Variants in NDST4 observed in about 807,000 individuals in gnomAD.
The protein encoded by NDST4 is N-heparan sulfate sulfotransferase 4.
A neutral mutation model predicts 100.8 loss-of-function variants in NDST4; 63 were observed. The observed-to-expected ratio is 0.62, with a 90% CI of 0.51 to 0.77. NDST4 has a LOEUF of 0.77. Among genes scored for constraint, NDST4 ranks in the 30% least tolerant of loss-of-function variants. The probability of loss-of-function intolerance (pLI) is 0.00; values close to 1 mark genes in which losing one functional copy is unlikely to be tolerated. For synonymous variants in NDST4, 377 were observed against 361.8 expected (o/e 1.04, Z -0.48); for missense variants, 943 against 1,018.4 (o/e 0.93, Z 1.01).
chr4:114,960,893 C>T (rs1385090130), intron 4 of NDST4, among the ~76,000 whole-genome samples: 3 of 151,968 alleles, frequency 2.0e-5, no homozygotes, highest in African/African-American at 7.2e-5. Flanking sequence ...CTTCTTATTT[C>T]AAGTTTTAAA....
intron 4 of NDST4, among the ~76,000 whole-genome samples, chr4:114,967,441 C>T (rs529218929): frequency 6.6e-6 from 1 of 152,170 alleles, no homozygotes; most frequent in Admixed American, 6.5e-5. Context: ...CATTACAAAG[C>T]AATTACATCT....
intron 2 of NDST4, among the ~76,000 whole-genome samples, chr4:115,057,920 GA>G: frequency 6.6e-6 from 1 of 152,090 alleles, no homozygotes; most frequent in East Asian, 1.9e-4. Context: ...AAAAAGTATG[GA>G]ATATTAAAGA....
At chr4:114,913,254 C>T (rs958252175) in intron 6 of NDST4, among the ~76,000 whole-genome samples, 1 of 151,822 alleles carries the variant, frequency 6.6e-6, no homozygotes, top group South Asian at 2.1e-4. Flanking sequence ...GATTAAAGGG[C>T]TAATTTAGAG....
intron 13 of NDST4, 56 bp downstream of exon 13, chr4:114,829,734 A>G: frequency 7.5e-7 from 1 of 1,325,870 alleles, no homozygotes; most frequent in Non-Finnish European, 1.1e-6. Flanking sequence ...CTAGTTTTGA[A>G]ATAGCTGTTT....
chr4:114,875,129 A>C (rs1724230546), intron 6 of NDST4, among the ~76,000 whole-genome samples: 1 of 152,204 alleles, frequency 6.6e-6, no homozygotes, highest in African/African-American at 2.4e-5. Flanking sequence ...TGCTAATTTC[A>C]GTAGGCCAAT....
chr4:114,892,419 T>G (rs1203326894), intron 6 of NDST4, among the ~76,000 whole-genome samples: 1 of 152,148 alleles, frequency 6.6e-6, no homozygotes, highest in Non-Finnish European at 1.5e-5. Flanking sequence ...AGTATCTATT[T>G]GTGCAAGTTG....
chr4:114,908,140 T>C (rs917181362), intron 6 of NDST4, among the ~76,000 whole-genome samples: 4 of 152,146 alleles, frequency 2.6e-5, no homozygotes, highest in Non-Finnish European at 5.9e-5. Context: ...TTTTTATCTA[T>C]AATATAATCA....
At chr4:115,016,427 A>G (rs1727678112) in intron 2 of NDST4, among the ~76,000 whole-genome samples, 1 of 152,130 alleles carries the variant, frequency 6.6e-6, no homozygotes, top group African/African-American at 2.4e-5. Context: ...CTCATTAGCA[A>G]AATGCTTGCT....
chr4:115,058,870 A>T (rs1480277153), intron 2 of NDST4, among the ~76,000 whole-genome samples: 1 of 152,026 alleles, frequency 6.6e-6, no homozygotes, highest in Non-Finnish European at 1.5e-5. Context: ...AAATTATATA[A>T]TCTTAGCAGG....
chr4:114,827,852 T>G lies in NDST4; in HGVS notation c.2583A>C (p.Pro861=). 6.2e-7 allele frequency: 1 copy of G among 1,612,778 alleles called. No individual in the cohort carries two copies. Among genetic ancestry groups the G allele is most frequent in the Non-Finnish European group, 8.5e-7 (1 of 1,179,304 alleles). Residue 861 remains proline (P), a synonymous_variant, in exon 14 of 14, where the codon CCA becomes CCC. Transcript: ENST00000264363. ...TCTGCAGTTCCTGTCTCAGCCACGATGGCAGAGGCTGTCCCAGTCTGTGTA... is the reference window on the plus strand; with the variant it reads ...TCTGCAGTTCCTGTCTCAGCCACGAGGGCAGAGGCTGTCCCAGTCTGTGTA... ...KLLHRLGQPL[P]SWLRQELQKV...
chr4:114,848,563 T>C (rs1723604794), intron 8 of NDST4, among the ~76,000 whole-genome samples: 3 of 152,214 alleles, frequency 2.0e-5, no homozygotes, highest in Admixed American at 6.5e-5. Flanking sequence ...TATTAGCACA[T>C]GGCCAAAGTA....
rs568205649 is a variant in NDST4 at position 114,871,675 on chromosome 4, A to C, written c.1537-725T>G. On this transcript the variant is annotated intron_variant, in intron 6 of 13. Transcript: ENST00000264363. ...CAGGGATTTAAAAAATACTAAATAA[A>C]AGAGAAATTGCAAAATTCTGATTGA... Among the ~76,000 whole-genome samples the C allele has an allele frequency of 5.9e-5, 9 of 152,170 alleles. No individual in the cohort carries two copies. The East Asian group carries it at 1.5e-3, about 26-fold the overall frequency.
At chr4:114,867,489 T>C (rs775513171) in intron 7 of NDST4, among the ~76,000 whole-genome samples, 1 of 151,704 alleles carries the variant, frequency 6.6e-6, no homozygotes, top group East Asian at 1.9e-4. Context: ...ATGTTTGGCA[T>C]GTTTGTTGAT....
intron 1 of NDST4, among the ~76,000 whole-genome samples, chr4:115,113,065 T>A (rs1043642555): frequency 6.6e-6 from 1 of 151,966 alleles, no homozygotes; most frequent in African/African-American, 2.4e-5. Context: ...GAAACATTTA[T>A]AACCCTACAG....
chr4:115,026,695 C>T (rs1487064632), intron 2 of NDST4, among the ~76,000 whole-genome samples: 3 of 123,846 alleles, frequency 2.4e-5, no homozygotes, highest in East Asian at 2.2e-4. Context: ...GGGGGGGTTG[C>T]GGGGGCTGGG....
intron 2 of NDST4, among the ~76,000 whole-genome samples, chr4:115,055,014 C>T (rs1728662111): frequency 6.6e-6 from 1 of 152,064 alleles, no homozygotes; most frequent in African/African-American, 2.4e-5. Context: ...CAGCTGCTCC[C>T]ATCACTTGCA....
intron 6 of NDST4, among the ~76,000 whole-genome samples, chr4:114,884,177 C>G (rs1019076107): frequency 1.3e-5 from 2 of 152,090 alleles, no homozygotes; most frequent in African/African-American, 4.8e-5. Flanking sequence ...TTTGCACACT[C>G]ACACATATGC....
rs1728124787 is a variant in NDST4 at position 115,031,911 on chromosome 4, A to C, written c.978+44148T>G. 2.0e-5 allele frequency among the ~76,000 whole-genome samples: 3 copies of C among 152,086 alleles called. No homozygotes were observed. In the South Asian group the frequency reaches 6.2e-4, roughly 31 times the overall value. On this transcript the variant is annotated intron_variant, in intron 2 of 13. Coordinates refer to ENST00000264363, the MANE Select transcript of NDST4 (RefSeq NM_022569.3). ...CATGGAACATTCTGTTATATTTGTT[A>C]TTCTGAATAAAGCTTAATGTTTACT... is the stretch of plus-strand genomic sequence containing the variant.
intron 2 of NDST4, among the ~76,000 whole-genome samples, chr4:115,065,899 T>C (rs948583369): frequency 1.3e-5 from 2 of 152,180 alleles, no homozygotes; most frequent in Non-Finnish European, 2.9e-5. Flanking sequence ...TCCTGATATT[T>C]TCAGCCAAGT....
Sources: gnomAD v4.1 joint callset for allele counts (sites outside exome capture counted in the v4.1 genomes callset) on GRCh38, gnomAD v4.1.1 for gene constraint, MANE v1.5 for transcripts, NCBI Gene and HGNC (gene_info 2026-07-23, HGNC 2026-07-21) for gene names.